Variants in GMDS observed in about 807,000 individuals in gnomAD.
GMDS encodes the protein GDP-mannose 4,6-dehydratase.
In GMDS, 20 loss-of-function variants were observed where a neutral mutation model predicts 49.9. The ratio of observed to expected loss-of-function variants is 0.40; its 90% CI spans 0.28 to 0.58. GMDS has a LOEUF of 0.58. GMDS is among the 20% of genes least tolerant of loss of function. The probability of loss-of-function intolerance (pLI) is 0.42; values close to 1 mark genes in which losing one functional copy is unlikely to be tolerated. For missense variants in GMDS, 362 were observed against 481.4 expected, an observed-to-expected ratio of 0.75 and a Z score of 2.32; for synonymous variants, 177 against 178.6, an observed-to-expected ratio of 0.99 and a Z score of 0.07.
intron 4 of GMDS, among the ~76,000 whole-genome samples, chr6:2,043,095 C>A (rs1164231900): frequency 6.6e-6 from 1 of 152,180 alleles, no homozygotes; most frequent in Non-Finnish European, 1.5e-5. Flanking sequence ...ACAAAGGGGT[C>A]CTGCAGCAAG....
chr6:1,778,901 AC>A lies in GMDS; in HGVS notation c.772-36316del, dbSNP rs1048078967. Among the ~76,000 whole-genome samples, 1 of 150,260 alleles carries A rather than the reference AC, an allele frequency of 6.7e-6. No individual in the cohort carries two copies. Among genetic ancestry groups the A allele is most frequent in the Admixed American group, 6.6e-5 (1 of 15,098 alleles). ...CTGAAAATGTTTTTCCAACCCCAAC[AC>A]CCCTGCTGCCCTCCTGGTTCAGGTT... On this transcript the variant is annotated intron_variant, in intron 7 of 10. Coordinates refer to ENST00000380815, the MANE Select transcript of GMDS (RefSeq NM_001500.4). This position sits in a 1 kb window ranked among gnomAD's most constrained non-coding sequence, Gnocchi z 4.6.
At chr6:2,168,561 A>G (rs1011678307) in intron 1 of GMDS, among the ~76,000 whole-genome samples, 1 of 152,234 alleles carries the variant, frequency 6.6e-6, no homozygotes, top group Non-Finnish European at 1.5e-5. Flanking sequence ...ACACTGTAGA[A>G]AAGACCCTAA....
intron 1 of GMDS, among the ~76,000 whole-genome samples, chr6:2,142,825 AG>A (rs1305395990): frequency 6.6e-6 from 1 of 152,086 alleles, no homozygotes; most frequent in East Asian, 1.9e-4. Flanking sequence ...ACTGTCAGGA[AG>A]CCCCCAGACT....
At chr6:1,802,014 C>T (rs1008823753) in intron 7 of GMDS, among the ~76,000 whole-genome samples, 17 of 152,096 alleles carry the variant, frequency 1.1e-4, no homozygotes, top group African/African-American at 4.1e-4. Flanking sequence ...TCAGGCATTG[C>T]CAGTAACAAA....
intron 4 of GMDS, among the ~76,000 whole-genome samples, chr6:2,044,730 T>A (rs1008033115): frequency 6.6e-6 from 1 of 152,174 alleles, no homozygotes; most frequent in Admixed American, 6.5e-5. Flanking sequence ...AAAAAAATGT[T>A]TTTAAGTACA....
At chr6:2,061,552 A>G (rs545340503) in intron 4 of GMDS, among the ~76,000 whole-genome samples, 4 of 151,990 alleles carry the variant, frequency 2.6e-5, no homozygotes, top group African/African-American at 9.7e-5. Context: ...CCCTATCTCT[A>G]CTAAAAATAC....
intron 8 of GMDS, among the ~76,000 whole-genome samples, chr6:1,741,711 C>G (rs1402977503): frequency 6.9e-6 from 1 of 144,000 alleles, no homozygotes; most frequent in Admixed American, 7.3e-5. Flanking sequence ...ACTTGGGAGG[C>G]TGAGGCAGGA....
intron 4 of GMDS, among the ~76,000 whole-genome samples, chr6:2,035,626 T>C (rs1252693806): frequency 1.3e-5 from 2 of 152,172 alleles, no homozygotes; most frequent in African/African-American, 4.8e-5. Context: ...TCAAGTTATT[T>C]AGGAAGCAGA....
intron 9 of GMDS, among the ~76,000 whole-genome samples, chr6:1,660,848 G>A (rs772741780): frequency 6.0e-5 from 9 of 149,834 alleles, no homozygotes; most frequent in Non-Finnish European, 1.2e-4. Context: ...GAGCTGCCTA[G>A]AAGACAACCA....
intron 1 of GMDS, among the ~76,000 whole-genome samples, chr6:2,239,443 T>C (rs761546907): frequency 2.0e-5 from 3 of 152,154 alleles, no homozygotes; most frequent in African/African-American, 7.2e-5. Flanking sequence ...TAAGTCAGCA[T>C]GTAATCCAAA....
intron 1 of GMDS, among the ~76,000 whole-genome samples, chr6:2,137,333 C>CTT (rs79714655): frequency 8.2e-5 from 11 of 133,490 alleles, no homozygotes; most frequent in Admixed American, 1.5e-4. Flanking sequence ...GCTATATTCC[C>CTT]TTTTTTTTTT....
chr6:1,644,153 G>A (rs1327971331), intron 9 of GMDS, among the ~76,000 whole-genome samples: 3 of 152,236 alleles, frequency 2.0e-5, no homozygotes, highest in African/African-American at 4.8e-5. Flanking sequence ...CTAGTAGCCT[G>A]CAGCCACCAG....
chr6:2,111,540 T>C (rs1271312615), intron 4 of GMDS, among the ~76,000 whole-genome samples: 1 of 152,154 alleles, frequency 6.6e-6, no homozygotes, highest in Non-Finnish European at 1.5e-5. Context: ...CTTCCTATTA[T>C]TTTATTTTCC....
At chr6:1,735,958 C>T (rs1324271289) in intron 8 of GMDS, among the ~76,000 whole-genome samples, 2 of 152,136 alleles carry the variant, frequency 1.3e-5, no homozygotes, top group African/African-American at 4.8e-5. Context: ...GAGCAAATAA[C>T]ACATTTATAG....
chr6:1,834,771 A>G (rs1354994316), intron 7 of GMDS, among the ~76,000 whole-genome samples: 1 of 152,226 alleles, frequency 6.6e-6, no homozygotes, highest in Non-Finnish European at 1.5e-5. Flanking sequence ...AATCTCAAAA[A>G]TTAATGTGAC....
chr6:1,774,261 G>T (rs77789046), intron 7 of GMDS, among the ~76,000 whole-genome samples: 1 of 152,146 alleles, frequency 6.6e-6, no homozygotes, highest in African/African-American at 2.4e-5. Context: ...TACTGTCTTC[G>T]TAACTCACTT....
chr6:1,911,534 T>C (rs1349604566), intron 7 of GMDS, among the ~76,000 whole-genome samples: 1 of 151,330 alleles, frequency 6.6e-6, no homozygotes, highest in East Asian at 1.9e-4. Context: ...AATTTCCTTG[T>C]GCCTGTTCTT....
In GMDS at chr6:1,624,556, G is replaced by C; in HGVS notation, c.988-16C>G. 2 of 1,605,352 alleles carry C rather than the reference G, an allele frequency of 1.2e-6. 1 individual carries two copies. On this transcript the variant is annotated splice_polypyrimidine_tract_variant and intron_variant, in intron 9 of 10. Transcript: ENST00000380815. ...GCAGAAAGTCCTAGGGAAGAAGAGGGGGAGACGAAGCAGGCGTGGGTCGTG... is the reference window on the plus strand; with the variant it reads ...GCAGAAAGTCCTAGGGAAGAAGAGGCGGAGACGAAGCAGGCGTGGGTCGTG...
chr6:2,016,067 TA>T (rs551256530), intron 4 of GMDS, among the ~76,000 whole-genome samples: 77,786 of 122,828 alleles, frequency 0.63, 23,346 homozygotes, highest in South Asian at 0.69. Flanking sequence ...ACCCTGTTTC[TA>T]AAAAAAAAAA....
Sources: gnomAD v4.1 joint callset for allele counts (sites outside exome capture counted in the v4.1 genomes callset) on GRCh38, gnomAD v4.1.1 for gene constraint, Gnocchi (gnomAD v3.1) non-coding constraint, MANE v1.5 for transcripts, NCBI Gene and HGNC (gene_info 2026-07-23, HGNC 2026-07-21) for gene names.